Variants in RBFOX1 observed in about 807,000 individuals in gnomAD.
RBFOX1 encodes RNA binding fox-1 homolog 1, also known as RNA binding protein fox-1 homolog 1.
RBFOX1 carries 8 observed loss-of-function variants against 57.7 expected under a neutral mutation model. The ratio of observed to expected loss-of-function variants is 0.14; its 90% CI spans 0.08 to 0.25. The LOEUF (loss-of-function observed/expected upper bound fraction) is 0.25. Ranked by LOEUF, RBFOX1 falls within the 10% of genes least tolerant of loss-of-function variation. The pLI, the probability that RBFOX1 is intolerant of heterozygous loss-of-function variation, is 1.00. For synonymous variants in RBFOX1, 326 were observed against 222.4 expected, an observed-to-expected ratio of 1.47 and a Z score of -4.15; for missense variants, 611 against 548.5, an observed-to-expected ratio of 1.11 and a Z score of -1.14.
At chr16:6,676,603 A>G (rs2057735522) in intron 3 of RBFOX1, among the ~76,000 whole-genome samples, 1 of 151,952 alleles carries the variant, frequency 6.6e-6, no homozygotes, top group South Asian at 2.1e-4. Context: ...CTCGGAAAAA[A>G]GGATACCAGG....
chr16:5,847,741 C>G (rs192412171), intron 3 of RBFOX1, among the ~76,000 whole-genome samples: 41 of 152,208 alleles, frequency 2.7e-4, no homozygotes, highest in African/African-American at 7.2e-4. Flanking sequence ...GTTCCACAGC[C>G]TCACTCTCTC....
At chr16:6,077,783 C>G (rs1597072918) in intron 1 of RBFOX1, among the ~76,000 whole-genome samples, 1 of 151,888 alleles carries the variant, frequency 6.6e-6, no homozygotes, top group South Asian at 2.1e-4. Context: ...GTGGTGCAGT[C>G]ATAGCTCACT....
chr16:5,646,928 C>G (rs892038550), intron 3 of RBFOX1, among the ~76,000 whole-genome samples: 4 of 152,194 alleles, frequency 2.6e-5, no homozygotes, highest in Non-Finnish European at 4.4e-5. Context: ...CCACCACGCC[C>G]AGCCAGGAAG....
Position 7,580,052 on chromosome 16 carries a change from T to G in RBFOX1, c.414+132T>G, listed in dbSNP as rs1291595546. ...TGGGGAGAAACAATTTAGAGCCTAG[T>G]CTGCAGGTATATTGTGGCTAGAATC... On this transcript the variant is annotated intron_variant, in intron 6 of 15. Coordinates refer to ENST00000550418, the MANE Select transcript of RBFOX1 (RefSeq NM_018723.4). The G allele has an allele frequency of 1.4e-5, 13 of 952,656 alleles. No individual in the cohort carries two copies. The East Asian group carries it at 3.1e-4, about 23-fold the overall frequency. The allele number at this position is 952,656 out of a possible 1,614,324, so 59.0% of individuals were successfully genotyped here.
intron 4 of RBFOX1, among the ~76,000 whole-genome samples, chr16:7,499,051 T>C (rs1388514677): frequency 6.6e-6 from 1 of 152,136 alleles, no homozygotes; most frequent in African/African-American, 2.4e-5. Flanking sequence ...ACGTAATAGA[T>C]GTATTAATTT....
chr16:5,747,097 C>A (rs924208403), intron 3 of RBFOX1, among the ~76,000 whole-genome samples: 2 of 152,086 alleles, frequency 1.3e-5, no homozygotes, highest in Non-Finnish European at 2.9e-5. Context: ...GCATGAATGG[C>A]TGTTGAATTT....
chr16:7,629,252 C>T (rs1448421793), intron 10 of RBFOX1, among the ~76,000 whole-genome samples: 4 of 152,148 alleles, frequency 2.6e-5, no homozygotes, highest in Non-Finnish European at 4.4e-5. Flanking sequence ...TTTACTGTCC[C>T]TTGATGACAT....
intron 3 of RBFOX1, among the ~76,000 whole-genome samples, chr16:6,998,189 G>C (rs1317856390): frequency 6.6e-6 from 1 of 152,048 alleles, no homozygotes; most frequent in Non-Finnish European, 1.5e-5. Context: ...CAGTACATTT[G>C]GTGGATTAGT....
chr16:7,557,641 AAGAAAAAG>A lies in RBFOX1; in HGVS notation c.271-22134_271-22127del, dbSNP rs1567816922. Among the ~76,000 whole-genome samples, 40 of 97,416 alleles carry A rather than the reference AAGAAAAAG, an allele frequency of 4.1e-4. 2 individuals carry two copies. The highest frequency in any genetic ancestry group is 8.6e-4 in the African/African-American group (26 of 30,126). 63.9% of individuals were successfully genotyped at this position (97,416 alleles called of 152,430 possible). ...TCTCAAAAAAAAAAAAAAAAAAAAA[AAGAAAAAG>A]AAAAAAAAAAAGCATTTTCTTAAAC... On this transcript the variant is annotated intron_variant, in intron 5 of 15. Coordinates refer to ENST00000550418, the MANE Select transcript of RBFOX1 (RefSeq NM_018723.4).
intron 3 of RBFOX1, among the ~76,000 whole-genome samples, chr16:5,778,361 G>C (rs1371328326): frequency 6.6e-6 from 1 of 152,110 alleles, no homozygotes; most frequent in African/African-American, 2.4e-5. Flanking sequence ...CCCCGACCTG[G>C]CTAGTTCTCT....
chr16:7,282,912 C>T (rs188543532), intron 4 of RBFOX1, among the ~76,000 whole-genome samples: 3 of 152,220 alleles, frequency 2.0e-5, no homozygotes, highest in Admixed American at 2.0e-4. Context: ...GCGATTAATT[C>T]ATTACTTTTT....
intron 4 of RBFOX1, among the ~76,000 whole-genome samples, chr16:7,405,751 G>A (rs1472561697): frequency 2.0e-5 from 3 of 152,042 alleles, no homozygotes; most frequent in South Asian, 4.2e-4. Context: ...TGACACAGAG[G>A]GGGTTCTCAG....
At chr16:6,844,488 C>G (rs549870237) in intron 3 of RBFOX1, among the ~76,000 whole-genome samples, 2 of 152,260 alleles carry the variant, frequency 1.3e-5, no homozygotes, top group Admixed American at 6.5e-5. Context: ...CCAACTCCAT[C>G]TATGTCTCTG....
intron 3 of RBFOX1, among the ~76,000 whole-genome samples, chr16:6,872,964 G>C (rs1314159988): frequency 6.6e-6 from 1 of 152,058 alleles, no homozygotes; most frequent in Admixed American, 6.6e-5. Flanking sequence ...GCCGCAGCTG[G>C]TCTTGAGTAT....
intron 2 of RBFOX1, among the ~76,000 whole-genome samples, chr16:6,470,115 T>A (rs1029440355): frequency 1.3e-5 from 2 of 152,220 alleles, no homozygotes; most frequent in African/African-American, 4.8e-5. Context: ...CTCATTCATT[T>A]AAAATAGAGT....
At chr16:5,831,473 T>TTTATTATTATTATTATTA (rs149535816) in intron 3 of RBFOX1, among the ~76,000 whole-genome samples, 3,443 of 141,470 alleles carry the variant, frequency 0.024, 49 homozygotes, top group African/African-American at 0.036. Flanking sequence ...TCTTTTCTCT[T>TTTATTATTATTATTATTA]TTATTATTAT....
At chr16:6,790,089 A>T (rs28700997) in intron 3 of RBFOX1, among the ~76,000 whole-genome samples, 93,714 of 148,756 alleles carry the variant, frequency 0.63, 29,997 homozygotes, top group East Asian at 0.78. Context: ...TTTTTCTATT[A>T]TATTGAAATT....
rs554683825 is a variant in RBFOX1, at chr16:7,467,693, G to C, written c.28-50454G>C. Reference sequence around the variant, plus strand: ...AAGATTGTATACCTACAGAAAAGTGGGGATATAAACTCGGATCTGTCTACT... The same window carrying C: ...AAGATTGTATACCTACAGAAAAGTGCGGATATAAACTCGGATCTGTCTACT... On this transcript the variant is annotated intron_variant, in intron 4 of 15. Coordinates refer to ENST00000550418, the MANE Select transcript of RBFOX1 (RefSeq NM_018723.4). Among the ~76,000 whole-genome samples the C allele has an allele frequency of 1.6e-4, 25 of 152,242 alleles. 1 individual carries two copies. The East Asian group carries it at 1.9e-3, about 12-fold the overall frequency.
chr16:5,819,701 C>G (rs2055775990), intron 3 of RBFOX1, among the ~76,000 whole-genome samples: 1 of 152,212 alleles, frequency 6.6e-6, no homozygotes, highest in Non-Finnish European at 1.5e-5. Flanking sequence ...CTGGAATACC[C>G]TTTCCCTCTG....
Sources: gnomAD v4.1 joint callset for allele counts (sites outside exome capture counted in the v4.1 genomes callset) on GRCh38, gnomAD v4.1.1 for gene constraint, MANE v1.5 for transcripts, NCBI Gene and HGNC (gene_info 2026-07-23, HGNC 2026-07-21) for gene names.